Variants in PCNX3 observed in about 807,000 individuals in gnomAD.
PCNX3 encodes the protein pecanex 3, also known as pecanex-like protein 3.
In PCNX3, 58 loss-of-function variants were observed where a neutral mutation model predicts 207.2. The observed-to-expected ratio is 0.28, with a 90% CI of 0.23 to 0.35. The LOEUF (loss-of-function observed/expected upper bound fraction) is 0.35. PCNX3 is among the 10% of genes least tolerant of loss of function. The probability of loss-of-function intolerance (pLI) is 1.00; values close to 1 mark genes in which losing one functional copy is unlikely to be tolerated. For missense variants in PCNX3, 2,410 were observed against 2,774.4 expected (o/e 0.87, Z 2.95); for synonymous variants, 1,337 against 1,183.5 (o/e 1.13, Z -2.66).
In PCNX3 at chr11:65,628,592, C is replaced by T; in HGVS notation, c.3703-3C>T. 2 of 1,613,048 alleles carry T rather than the reference C, an allele frequency of 1.2e-6. No individual in the cohort carries two copies. The highest frequency in any genetic ancestry group is 1.7e-6 in the Non-Finnish European group (2 of 1,179,794). On this transcript the variant is annotated splice_polypyrimidine_tract_variant and splice_region_variant and intron_variant, in intron 22 of 34. Coordinates refer to ENST00000355703, the MANE Select transcript of PCNX3 (RefSeq NM_032223.4). ...TTTTTCTTCTCCCTGTTGGCCCTGC[C>T]AGCTGTGGGACTTGCTGTACAAGCT...
intron 14 of PCNX3, 25 bp from the exon 15 acceptor site, chr11:65,624,446 G>C: frequency 6.4e-7 from 1 of 1,567,990 alleles, no homozygotes; most frequent in South Asian, 1.2e-5. Context: ...AGGCTGACCA[G>C]GCCTTCGTGT....
chr11:65,621,538 C>CCA (rs1176717536), intron 10 of PCNX3, among the ~76,000 whole-genome samples: 2 of 152,262 alleles, frequency 1.3e-5, no homozygotes, highest in Admixed American at 6.5e-5. Context: ...ACCCTCAAGG[C>CCA]CACAGATAGG....
At chr11:65,633,956 AG>A in intron 27 of PCNX3, 169 bp from the exon 28 acceptor site, 1 of 644,264 alleles carries the variant, frequency 1.6e-6, no homozygotes, top group Non-Finnish European at 2.7e-6. Flanking sequence ...GTCTAGGGGA[AG>A]GAGCCAACTT....
intron 25 of PCNX3, 37 bp from the exon 26 acceptor site, chr11:65,629,483 T>C (rs1855534042): frequency 1.2e-6 from 2 of 1,612,230 alleles, no homozygotes; most frequent in African/African-American, 2.7e-5. Context: ...CGCTAACTTG[T>C]CACTTTGTCC....
chr11:65,634,005 C>T (rs926962773), intron 27 of PCNX3, 121 bp from the exon 28 acceptor site: 75 of 905,340 alleles, frequency 8.3e-5, no homozygotes, highest in Non-Finnish European at 1.1e-4. Context: ...GCTCTAGGAG[C>T]GGGGCATCCC....
rs561962666 is a variant in PCNX3 at position 65,616,416 on chromosome 11, C to G, written c.105C>G (p.His35Gln). ...AGAGCACCTTCTCCAACTGCTTCCA[C>G]CTCTATGTCTGGATCTTCCTGCTCA... ...PHQSTFSNCF[H>Q]LYVWIFLLIF... is the part of the protein sequence containing the mutation. Residue 35 changes from histidine to glutamine, a missense_variant, in exon 1 of 35, where the codon CAC becomes CAG. Around this residue, in one of 8 missense-constraint regions of PCNX3, gnomAD observed 1,104 missense variants for 970.3 expected, o/e 1.14. Transcript: ENST00000355703. 6.2e-7 allele frequency: 1 copy of G among 1,610,528 alleles called. No homozygotes were observed. Among genetic ancestry groups the G allele is most frequent in the South Asian group, 1.1e-5 (1 of 90,856 alleles).
At position 65,625,622 on chromosome 11, in the gene PCNX3, G is replaced by A. The variant is rs367764037; in HGVS notation, c.3136-30G>A. The A allele has an allele frequency of 6.9e-6, 11 of 1,602,294 alleles. No homozygotes were observed. The African/African-American group carries it at 1.2e-4, about 18-fold the overall frequency. ...GGCAGCTGAGTGTCTCTCCTGGCCG[G>A]GCAGCTGAATGTCTCTCCTGGCCCT... On this transcript the variant is annotated intron_variant, in intron 18 of 34. Coordinates refer to ENST00000355703, the MANE Select transcript of PCNX3 (RefSeq NM_032223.4). This position sits in a 1 kb window ranked among gnomAD's most constrained non-coding sequence, Gnocchi z 5.6.
chr11:65,623,690 A>G (rs1026929318), intron 12 of PCNX3, 46 bp downstream of exon 12: 6 of 1,595,244 alleles, frequency 3.8e-6, no homozygotes, highest in African/African-American at 1.3e-5. Context: ...GACTTTTCCC[A>G]AGATTGCCCT....
Position 65,625,489 on chromosome 11 carries a change from G to T in PCNX3, c.3114G>T (p.Pro1038=), listed in dbSNP as rs368184507. The part of the protein sequence containing the change: ...TARAEPPDPL[P]DKMRQSVREV... ...GGGCCGAGCCCCCGGACCCCTTGCC[G>T]GACAAGATGCGCCAGTCGGTGGTGA... Residue 1038 remains proline, a synonymous_variant, in exon 18 of 35, where the codon CCG becomes CCT. Transcript: ENST00000355703. This position sits in a 1 kb window ranked among gnomAD's most constrained non-coding sequence, Gnocchi z 5.6. The T allele has an allele frequency of 6.2e-7, 1 of 1,604,482 alleles. No individual in the cohort carries two copies. Among genetic ancestry groups the T allele is most frequent in the Non-Finnish European group, 8.5e-7 (1 of 1,178,668 alleles).
At position 65,619,773 on chromosome 11, in the gene PCNX3, C is replaced by T. The variant is rs775547086; in HGVS notation, c.1849C>T (p.Arg617Trp). The T allele has an allele frequency of 1.7e-5, 26 of 1,574,692 alleles. No homozygotes were observed. The highest frequency in any genetic ancestry group is 2.0e-5 in the Non-Finnish European group (23 of 1,166,956). ...CTCCAGCAGCCTGCAGGAAGCTCAG[C>T]GGGGCCGGGCTGCCTCCCACTCCCG... ...SPPSSLQEAQ[R>W]GRAASHSRAL... is the part of the protein sequence containing the mutation. Residue 617 changes from arginine (R) to tryptophan (W), a missense_variant, in exon 8 of 35, where the codon CGG (arginine) becomes TGG (tryptophan). Physicochemically the swap from Arg to Trp is moderately radical, Grantham distance 101. Around this residue, in one of 8 missense-constraint regions of PCNX3, gnomAD observed 1,104 missense variants for 970.3 expected, o/e 1.14. Coordinates refer to ENST00000355703, the MANE Select transcript of PCNX3 (RefSeq NM_032223.4).
At chr11:65,623,709 C>G (rs998139666) in intron 12 of PCNX3, 65 bp downstream of exon 12, 5 of 1,585,536 alleles carry the variant, frequency 3.2e-6, no homozygotes, top group Non-Finnish European at 8.6e-7. Flanking sequence ...CTTCCCACAA[C>G]TCCAGTTTTA....
chr11:65,616,718 G>T (rs779548509), intron 1 of PCNX3, 106 bp from the exon 2 acceptor site: 1 of 1,308,140 alleles, frequency 7.6e-7, no homozygotes. Context: ...GAGAGGTGAT[G>T]AAATTTTCTT....
intron 9 of PCNX3, 24 bp from the exon 10 acceptor site, chr11:65,620,807 T>TA (rs1345408787): frequency 1.3e-6 from 2 of 1,590,310 alleles, no homozygotes; most frequent in Non-Finnish European, 1.7e-6. Context: ...CGTGGGGGGA[T>TA]CCTGATGGCT....
Position 65,628,939 on chromosome 11 carries a change from G to A in PCNX3, c.3932G>A (p.Arg1311His), listed in dbSNP as rs1463349670. ...GCTCGGCCCCTCAAGTTCTGGGAGCGCGACTACAAGTGAGTCTCACAGGAG... is the reference window on the plus strand; with the variant it reads ...GCTCGGCCCCTCAAGTTCTGGGAGCACGACTACAAGTGAGTCTCACAGGAG... Reference protein sequence around the residue: ...SYARPLKFWERDYNTKRVDHS... With the variant: ...SYARPLKFWEHDYNTKRVDHS... Residue 1311 changes from arginine (R) to histidine (H), a missense_variant, in exon 24 of 35, where the codon CGC (arginine) becomes CAC (histidine). By Grantham distance (29) the Arg-to-His change is conservative. Transcript: ENST00000355703. The A allele has an allele frequency of 2.5e-6, 4 of 1,611,536 alleles. No individual in the cohort carries two copies. Among genetic ancestry groups the A allele is most frequent in the East Asian group, 2.2e-5 (1 of 44,896 alleles).
At position 65,637,080 on chromosome 11, in the gene PCNX3, C is replaced by T; in HGVS notation, c.*102C>T. 7.6e-7 allele frequency: 1 copy of T among 1,316,532 alleles called. No homozygotes were observed. Among genetic ancestry groups the T allele is most frequent in the South Asian group, 1.4e-5 (1 of 73,012 alleles). The allele number at this position is 1,316,532 out of a possible 1,614,324, so 81.6% of individuals were successfully genotyped here. A position where few individuals can be genotyped will look rare whatever the true frequency, so the allele number is the denominator to read the frequency against. On this transcript the variant is annotated 3_prime_UTR_variant, in exon 35 of 35. Coordinates refer to ENST00000355703, the MANE Select transcript of PCNX3 (RefSeq NM_032223.4). Reference sequence around the variant, plus strand: ...AACTGAGTGGCTTTGGCCTACATGTCTGAACCCTGACCTTTGGCTGCCTTG... The same window carrying T: ...AACTGAGTGGCTTTGGCCTACATGTTTGAACCCTGACCTTTGGCTGCCTTG...
At chr11:65,620,299 G>T in intron 8 of PCNX3, 40 bp from the exon 9 acceptor site, 1 of 1,582,900 alleles carries the variant, frequency 6.3e-7, no homozygotes, top group Non-Finnish European at 8.6e-7. Flanking sequence ...TGGTGCTTCT[G>T]TCTCTGCCAC....
In PCNX3 at chr11:65,635,406, C is replaced by T. The variant is rs745951289; in HGVS notation, c.5142C>T (p.Ile1714=). Residue 1714 remains isoleucine (I), a synonymous_variant, in exon 31 of 35, where the codon ATC becomes ATT. Coordinates refer to ENST00000355703, the MANE Select transcript of PCNX3 (RefSeq NM_032223.4). The surrounding 1 kb of genome is among the most constrained non-coding windows in gnomAD (Gnocchi z 9.9). ...VLDDASDEYK[I]IMLNRRHLSF... ...ATGATGCCTCCGACGAGTACAAGATCATCATGCTCAACCGGCGCCACCTCA... is the reference window on the plus strand; with the variant it reads ...ATGATGCCTCCGACGAGTACAAGATTATCATGCTCAACCGGCGCCACCTCA... 1 of 1,612,186 alleles carries T rather than the reference C, an allele frequency of 6.2e-7. No homozygotes were observed. Among genetic ancestry groups the T allele is most frequent in the South Asian group, 1.1e-5 (1 of 91,048 alleles).
chr11:65,635,030 C>T lies in PCNX3; in HGVS notation c.4863C>T (p.Thr1621=), dbSNP rs1344402380. The change falls in exon 30 of 35, where the codon ACC becomes ACT. Residue 1621 remains threonine (T), a synonymous_variant. Coordinates refer to ENST00000355703, the MANE Select transcript of PCNX3 (RefSeq NM_032223.4). This position sits in a 1 kb window ranked among gnomAD's most constrained non-coding sequence, Gnocchi z 9.9. ...HALFKGDFRI[T]SPRDEWVFAD... is the part of the protein sequence containing the mutation. ...TGTTCAAGGGGGATTTTCGCATCACCTCCCCACGTGACGAGTGGGTCTTTG... is the reference window on the plus strand; with the variant it reads ...TGTTCAAGGGGGATTTTCGCATCACTTCCCCACGTGACGAGTGGGTCTTTG... 3.7e-6 allele frequency: 6 copies of T among 1,613,810 alleles called. No homozygotes were observed. In the African/African-American group the frequency reaches 6.7e-5, roughly 18 times the overall value.
chr11:65,627,544 C>T lies in PCNX3; in HGVS notation c.3664C>T (p.Leu1222=). The T allele has an allele frequency of 6.2e-7, 1 of 1,613,854 alleles. No homozygotes were observed. The highest frequency in any genetic ancestry group is 1.3e-5 in the African/African-American group (1 of 75,016). ...CTACCCGCGCCTCTCCCAGGGCTTT[C>T]TGCTTGACTACTTCCTCATGTCCCT... The part of the protein sequence containing the change: ...FDYPRLSQGF[L]LDYFLMSLLC... Residue 1222 remains leucine (L), a synonymous_variant, in exon 22 of 35, where the codon CTG becomes TTG. Transcript: ENST00000355703.
Sources: allele counts gnomAD v4.1 joint callset (sites outside exome capture counted in the v4.1 genomes callset), GRCh38; gene constraint gnomAD v4.1.1; regional missense constraint gnomAD v4.1.1; non-coding constraint Gnocchi (gnomAD v3.1); transcripts MANE v1.5; gene names NCBI Gene and HGNC (gene_info 2026-07-23, HGNC 2026-07-21).